The following FZD3 variants were observed in gnomAD, a reference collection of about 807,000 sequenced individuals.
FZD3 encodes frizzled class receptor 3.
A neutral mutation model predicts 60.7 loss-of-function variants in FZD3; 30 were observed. That is an observed-to-expected ratio of 0.49 (90% CI 0.37 to 0.67). The LOEUF (loss-of-function observed/expected upper bound fraction) is 0.67, where lower values mean the gene tolerates loss of function less well. Among genes scored for constraint, FZD3 ranks in the 30% least tolerant of loss-of-function variants. The pLI is 0.00. For synonymous variants in FZD3, 246 were observed against 275.2 expected, an observed-to-expected ratio of 0.89 and a Z score of 1.05; for missense variants, 605 against 838.7, an observed-to-expected ratio of 0.72 and a Z score of 3.44.
chr8:28,508,001 C>T (rs1197402354), intron 3 of FZD3, among the ~76,000 whole-genome samples: 1 of 152,122 alleles, frequency 6.6e-6, no homozygotes, highest in African/African-American at 2.4e-5. Flanking sequence ...AAACAATCCC[C>T]CTACCTCAGC....
At chr8:28,545,295 A>G (rs768884391) in intron 5 of FZD3, among the ~76,000 whole-genome samples, 13 of 152,218 alleles carry the variant, frequency 8.5e-5, no homozygotes, top group Non-Finnish European at 1.6e-4. Flanking sequence ...AGTAGAATGC[A>G]ACAAAAGTGA....
At chr8:28,524,171 C>G (rs775318476) in intron 4 of FZD3, among the ~76,000 whole-genome samples, 5 of 152,038 alleles carry the variant, frequency 3.3e-5, no homozygotes, top group African/African-American at 4.8e-5. Flanking sequence ...TCATGGACAC[C>G]CCCAGAATTT....
intron 3 of FZD3, among the ~76,000 whole-genome samples, chr8:28,515,595 A>G (rs1023223287): frequency 6.6e-6 from 1 of 152,196 alleles, no homozygotes; most frequent in Non-Finnish European, 1.5e-5. Flanking sequence ...AGTTGTATGC[A>G]TGCTCACTTG....
At chr8:28,534,766 A>G (rs1180377065) in intron 5 of FZD3, among the ~76,000 whole-genome samples, 1 of 152,198 alleles carries the variant, frequency 6.6e-6, no homozygotes, top group Non-Finnish European at 1.5e-5. Flanking sequence ...GTTTTTGTTC[A>G]GAATTTATTT....
At chr8:28,520,525 T>C in intron 3 of FZD3, 113 bp from the exon 4 acceptor site, 1 of 661,292 alleles carries the variant, frequency 1.5e-6, no homozygotes, top group Non-Finnish European at 2.4e-6. Context: ...TCAGAAAATT[T>C]TAATAACCCT....
chr8:28,559,481 T>C (rs1805576444), intron 7 of FZD3, among the ~76,000 whole-genome samples: 1 of 152,198 alleles, frequency 6.6e-6, no homozygotes, highest in South Asian at 2.1e-4. Context: ...AGCACAGTAC[T>C]AGGCATATAT....
chr8:28,532,616 T>TG (rs1472302591), intron 5 of FZD3, among the ~76,000 whole-genome samples: 6 of 151,706 alleles, frequency 4.0e-5, no homozygotes, highest in Admixed American at 2.6e-4. Flanking sequence ...TTTGTAGAGA[T>TG]GGGGTCTCCC....
At chr8:28,495,516 C>T (rs970495115) in intron 1 of FZD3, among the ~76,000 whole-genome samples, 13 of 152,108 alleles carry the variant, frequency 8.5e-5, no homozygotes, top group African/African-American at 2.2e-4. Context: ...ACCTGACTAC[C>T]CCTGGGGATG....
At chr8:28,560,429 T>A (rs1805593298) in intron 7 of FZD3, among the ~76,000 whole-genome samples, 1 of 152,212 alleles carries the variant, frequency 6.6e-6, no homozygotes, top group Non-Finnish European at 1.5e-5. Flanking sequence ...TGTAGTTGAC[T>A]CTTAATTATC....
chr8:28,514,052 G>A (rs1054375814), intron 3 of FZD3, among the ~76,000 whole-genome samples: 3 of 152,212 alleles, frequency 2.0e-5, no homozygotes, highest in Admixed American at 1.3e-4. Flanking sequence ...GTGCACCTTT[G>A]TTGTAGAAAC....
chr8:28,500,881 C>T (rs1415233266), intron 2 of FZD3, among the ~76,000 whole-genome samples: 1 of 152,142 alleles, frequency 6.6e-6, no homozygotes, highest in Admixed American at 6.5e-5. Flanking sequence ...CTGCCTCAGC[C>T]TCCCAAGTAG....
intron 4 of FZD3, among the ~76,000 whole-genome samples, 198 bp downstream of exon 4, chr8:28,521,032 T>C (rs1804565534): frequency 6.6e-6 from 1 of 152,210 alleles, no homozygotes; most frequent in Admixed American, 6.5e-5. Flanking sequence ...AAAACATTTC[T>C]GTGAAGAAGT....
chr8:28,514,009 T>G (rs1474183023), intron 3 of FZD3, among the ~76,000 whole-genome samples: 1 of 152,202 alleles, frequency 6.6e-6, no homozygotes, highest in East Asian at 1.9e-4. Flanking sequence ...TTGGTTGATT[T>G]GAATTTGAAC....
intron 4 of FZD3, among the ~76,000 whole-genome samples, chr8:28,525,042 A>T (rs565099588): frequency 1.5e-4 from 23 of 152,164 alleles, no homozygotes; most frequent in Non-Finnish European, 2.9e-4. Flanking sequence ...TAATTTTGGC[A>T]CATCTGGTAT....
At chr8:28,514,160 C>G (rs1325968496) in intron 3 of FZD3, among the ~76,000 whole-genome samples, 1 of 152,130 alleles carries the variant, frequency 6.6e-6, no homozygotes, top group East Asian at 1.9e-4. Context: ...GGGAAGTACT[C>G]AATAAGAATC....
chr8:28,551,743 G>GA lies in FZD3; in HGVS notation c.1551dup (p.Glu518ArgfsTer5), dbSNP rs1563404383. 2 of 1,598,012 alleles carry GA rather than the reference G, an allele frequency of 1.3e-6. No homozygotes were observed. The highest frequency in any genetic ancestry group is 2.3e-5 in the South Asian group (2 of 87,136). ...GGGCCAGTTTTTTTCATGGTCGTAG[G>GA]AAAAAAGAGTAAGTTGAAATAAATG... On this transcript the variant is annotated frameshift_variant, in exon 6 of 8. Coordinates refer to ENST00000240093, the MANE Select transcript of FZD3 (RefSeq NM_017412.4). LOFTEE classifies it high-confidence loss of function.
chr8:28,514,991 A>G (rs1804386703), intron 3 of FZD3, among the ~76,000 whole-genome samples: 1 of 152,214 alleles, frequency 6.6e-6, no homozygotes, highest in Admixed American at 6.5e-5. Context: ...GGCTCTGGAT[A>G]AGAATGCCAA....
At chr8:28,501,222 T>C (rs1426517812) in intron 2 of FZD3, among the ~76,000 whole-genome samples, 3 of 152,222 alleles carry the variant, frequency 2.0e-5, no homozygotes, top group Non-Finnish European at 4.4e-5. Flanking sequence ...CTAGGGACCA[T>C]AGACTTTTCT....
At chr8:28,522,874 A>G (rs1462553316) in intron 4 of FZD3, among the ~76,000 whole-genome samples, 1 of 149,626 alleles carries the variant, frequency 6.7e-6, no homozygotes, top group Non-Finnish European at 1.5e-5. Flanking sequence ...AGTTCAAGCA[A>G]TTCTCCTACC....
Sources: allele counts gnomAD v4.1 joint callset (sites outside exome capture counted in the v4.1 genomes callset), GRCh38; gene constraint gnomAD v4.1.1; transcripts MANE v1.5; gene names NCBI Gene and HGNC (gene_info 2026-07-23, HGNC 2026-07-21).